Variants in PRIM2 observed in about 807,000 individuals in gnomAD.
The protein encoded by PRIM2 is DNA primase subunit 2.
In PRIM2, 39 loss-of-function variants were observed where a neutral mutation model predicts 67.3. The observed-to-expected ratio is 0.58, with a 90% CI of 0.45 to 0.76. The LOEUF (loss-of-function observed/expected upper bound fraction) is 0.76, where lower values mean the gene tolerates loss of function less well. Ranked by LOEUF, PRIM2 falls within the 30% of genes least tolerant of loss-of-function variation. The pLI, the probability that PRIM2 is intolerant of heterozygous loss-of-function variation, is 0.00. For synonymous variants in PRIM2, 143 were observed against 198.7 expected, an observed-to-expected ratio of 0.72 and a Z score of 2.36; for missense variants, 398 against 598.7, an observed-to-expected ratio of 0.66 and a Z score of 3.50.
At chr6:57,475,295 T>A (rs1773451139) in intron 7 of PRIM2, among the ~76,000 whole-genome samples, 2 of 152,210 alleles carry the variant, frequency 1.3e-5, no homozygotes, top group South Asian at 4.1e-4. Context: ...TGTGCAACCA[T>A]CACTTCAATT....
the PRIM2 span, among the ~76,000 whole-genome samples, chr6:57,286,571 C>A: frequency 6.6e-6 from 1 of 152,146 alleles, no homozygotes; most frequent in Admixed American, 6.5e-5. Context: ...AAAACAGAAA[C>A]TGGATCCATG....
chr6:57,570,446 A>T (rs1775841885), intron 10 of PRIM2, among the ~76,000 whole-genome samples: 1 of 152,200 alleles, frequency 6.6e-6, no homozygotes, highest in Admixed American at 6.5e-5. Flanking sequence ...ATTCACTGTC[A>T]GTAATAATCT....
At chr6:57,426,185 G>A (rs1771619153) in intron 7 of PRIM2, among the ~76,000 whole-genome samples, 1 of 152,134 alleles carries the variant, frequency 6.6e-6, no homozygotes, top group Non-Finnish European at 1.5e-5. Context: ...TATGCCAAAT[G>A]AGATAAGGAA....
At chr6:57,252,041 C>A in the PRIM2 span, among the ~76,000 whole-genome samples, 65 of 152,202 alleles carry the variant, frequency 4.3e-4, no homozygotes, top group Non-Finnish European at 7.8e-4. Context: ...CCATATCTTG[C>A]CCCATTGAAG....
At chr6:57,324,156 A>G (rs1226281167) in intron 3 of PRIM2, 45 bp from the exon 4 acceptor site, 1 of 1,082,738 alleles carries the variant, frequency 9.2e-7, no homozygotes, top group Non-Finnish European at 1.4e-6. Context: ...TACACCTCTT[A>G]CCATTCTAAT....
intron 5 of PRIM2, among the ~76,000 whole-genome samples, chr6:57,364,483 T>C (rs930521796): frequency 2.0e-5 from 3 of 152,174 alleles, no homozygotes; most frequent in African/African-American, 7.2e-5. Flanking sequence ...ACACCATATA[T>C]ACTTTGGGTG....
At chr6:57,481,132 G>A (rs1171346724) in intron 7 of PRIM2, among the ~76,000 whole-genome samples, 1 of 152,084 alleles carries the variant, frequency 6.6e-6, no homozygotes, top group Non-Finnish European at 1.5e-5. Context: ...GTTTACACTG[G>A]TACAATATGT....
chr6:57,589,795 A>C (rs1776255533), intron 10 of PRIM2, among the ~76,000 whole-genome samples: 1 of 152,158 alleles, frequency 6.6e-6, no homozygotes, highest in Non-Finnish European at 1.5e-5. Flanking sequence ...CAGGAGTTTG[A>C]TAAGGTGAGG....
At chr6:57,424,462 C>T (rs1462279919) in intron 7 of PRIM2, among the ~76,000 whole-genome samples, 1 of 152,094 alleles carries the variant, frequency 6.6e-6, no homozygotes, top group Non-Finnish European at 1.5e-5. Flanking sequence ...GAGCAAATGC[C>T]TGACTCCACA....
intron 10 of PRIM2, among the ~76,000 whole-genome samples, chr6:57,555,351 C>T (rs1775492087): frequency 6.6e-6 from 1 of 152,082 alleles, no homozygotes; most frequent in Non-Finnish European, 1.5e-5. Flanking sequence ...ATGATCTTGG[C>T]TCACTGCAAG....
intron 7 of PRIM2, among the ~76,000 whole-genome samples, chr6:57,403,640 T>C (rs1264128843): frequency 6.6e-6 from 1 of 152,182 alleles, no homozygotes; most frequent in African/African-American, 2.4e-5. Flanking sequence ...CTGTGTTTCA[T>C]AATTATGGAA....
chr6:57,251,722 A>G, the PRIM2 span, among the ~76,000 whole-genome samples: 3 of 152,212 alleles, frequency 2.0e-5, no homozygotes, highest in East Asian at 1.9e-4. Flanking sequence ...TTTACTTCAT[A>G]TATTAGATCT....
At chr6:57,310,901 G>A (rs1363047781), upstream of PRIM2, among the ~76,000 whole-genome samples, 1 of 146,554 alleles carries the variant, frequency 6.8e-6, no homozygotes, top group Non-Finnish European at 1.5e-5. Context: ...CAGACGGGGT[G>A]GCGGCCGGGC....
Position 57,550,264 on chromosome 6 carries a change from A to G in PRIM2, c.1020+12639A>G, listed in dbSNP as rs1399782165. ...TTCTCTCTTATAAATATTTTGGTGT[A>G]TAATAAAGATATGTGTATGTTAAGG... On this transcript the variant is annotated intron_variant, in intron 10 of 13. Coordinates refer to ENST00000615550, the MANE Select transcript of PRIM2 (RefSeq NM_000947.5). 2.6e-5 allele frequency among the ~76,000 whole-genome samples: 4 copies of G among 152,204 alleles called. No homozygotes were observed. The East Asian group carries it at 7.7e-4, about 29-fold the overall frequency.
intron 12 of PRIM2, among the ~76,000 whole-genome samples, chr6:57,607,635 T>C (rs1197712969): frequency 6.6e-6 from 1 of 152,244 alleles, no homozygotes; most frequent in South Asian, 2.1e-4. Context: ...GAAGTATAGT[T>C]GGTTTCGGTT....
Position 57,601,230 on chromosome 6 carries a change from C to G in PRIM2, c.1147+11C>G. 1 of 1,590,362 alleles carries G rather than the reference C, an allele frequency of 6.3e-7. No homozygotes were observed. The highest frequency in any genetic ancestry group is 1.8e-5 in the Admixed American group (1 of 54,430). On this transcript the variant is annotated intron_variant, in intron 11 of 13. Transcript: ENST00000615550. ...AAGGGGATTATCATGGTAAGTGCCT[C>G]CACTGGATATGTTGGCCAAGTACAG...
At chr6:57,226,100 T>C in the PRIM2 span, among the ~76,000 whole-genome samples, 1 of 152,148 alleles carries the variant, frequency 6.6e-6, no homozygotes, top group African/African-American at 2.4e-5. Flanking sequence ...CATTGGGTAT[T>C]CAGTAATAGA....
chr6:57,352,960 G>A (rs543497439), intron 5 of PRIM2, among the ~76,000 whole-genome samples: 56 of 152,148 alleles, frequency 3.7e-4, no homozygotes, highest in African/African-American at 1.3e-3. Flanking sequence ...TAAATGCAGA[G>A]CACAAATATA....
chr6:57,326,042 G>A lies in PRIM2; in HGVS notation c.456G>A (p.Glu152=). ...TAAAGGATAGCCAATTGCAGTTTGA[G>A]GCTGTAAGTATATTTTTGTAGTTAT... ...DFLKDSQLQF[E]AISDEEKTLR... is the part of the protein sequence containing the mutation. Residue 152 remains glutamate, a synonymous_variant, in exon 5 of 14, where the codon GAG becomes GAA. Transcript: ENST00000615550. 2 of 1,610,208 alleles carry A rather than the reference G, an allele frequency of 1.2e-6. No homozygotes were observed. The highest frequency in any genetic ancestry group is 8.5e-7 in the Non-Finnish European group (1 of 1,178,852).
Sources: allele counts gnomAD v4.1 joint callset (sites outside exome capture counted in the v4.1 genomes callset), GRCh38; gene constraint gnomAD v4.1.1; transcripts MANE v1.5; gene names NCBI Gene and HGNC (gene_info 2026-07-23, HGNC 2026-07-21).